Variants in TIPARP observed in about 807,000 individuals in gnomAD.
TIPARP encodes the protein TCDD inducible poly(ADP-ribose) polymerase.
Under a neutral mutation model 56.5 loss-of-function variants are expected in TIPARP, and 12 were observed. That is an observed-to-expected ratio of 0.21 (90% confidence interval 0.14 to 0.34). The LOEUF (loss-of-function observed/expected upper bound fraction) is 0.34, where lower values mean the gene tolerates loss of function less well. TIPARP is among the 10% of genes least tolerant of loss of function. TIPARP has a pLI of 1.00. For missense variants in TIPARP, 604 were observed against 781.6 expected, an observed-to-expected ratio of 0.77 and a Z score of 2.71; for synonymous variants, 296 against 265.7, an observed-to-expected ratio of 1.11 and a Z score of -1.11.
At chr3:156,696,095 T>A (rs1722709312) in intron 4 of TIPARP, 70 bp downstream of exon 4, 2 of 1,510,794 alleles carry the variant, frequency 1.3e-6, no homozygotes, top group Non-Finnish European at 1.8e-6. Flanking sequence ...ATACTAGAGA[T>A]AAAAAATAAA....
chr3:156,689,258 C>T (rs1722508540), intron 2 of TIPARP, among the ~76,000 whole-genome samples: 1 of 152,150 alleles, frequency 6.6e-6, no homozygotes. Context: ...AGACCAGAAA[C>T]ATGGGACACA....
At position 156,703,352 on chromosome 3, in the gene TIPARP, A is replaced by G. The variant is rs557348067; in HGVS notation, c.1248-72A>G. The G allele has an allele frequency of 1.7e-5, 24 of 1,452,966 alleles. No homozygotes were observed. The African/African-American group carries it at 2.8e-4, about 17-fold the overall frequency. 90.0% of individuals were successfully genotyped at this position (1,452,966 alleles called of 1,614,324 possible). On this transcript the variant is annotated intron_variant, in intron 4 of 5. Coordinates refer to ENST00000295924, the MANE Select transcript of TIPARP (RefSeq NM_015508.5). ...ATTATAATATTAAGTAGACACTGATATAGATCACTATAATGTGAGGTGTAC... is the reference window on the plus strand; with the variant it reads ...ATTATAATATTAAGTAGACACTGATGTAGATCACTATAATGTGAGGTGTAC...
chr3:156,681,712 T>C (rs537438789), intron 2 of TIPARP, among the ~76,000 whole-genome samples: 1 of 152,316 alleles, frequency 6.6e-6, no homozygotes, highest in East Asian at 1.9e-4. Context: ...AATACATGCT[T>C]ATTTGTTCCT....
At chr3:156,702,428 A>G (rs62277391) in intron 4 of TIPARP, among the ~76,000 whole-genome samples, 4,868 of 152,290 alleles carry the variant, frequency 0.032, 112 homozygotes, top group Non-Finnish European at 0.048. Flanking sequence ...GATTATGATG[A>G]GAGAGATGGT....
At chr3:156,679,378 G>T (rs168295) in intron 2 of TIPARP, among the ~76,000 whole-genome samples, 144,994 of 152,244 alleles carry the variant, frequency 0.95, 69,084 homozygotes, top group Middle Eastern at 0.99. Flanking sequence ...GCAGGCAACT[G>T]GTATTTCCAC....
Position 156,677,802 on chromosome 3 carries a change from A to G in TIPARP, c.105A>G (p.Pro35=). ...CQMRLSEKIT[P]LKTCFKKKDQ... is the part of the protein sequence containing the mutation. ...TGAGACTCTCTGAGAAGATCACTCC[A>G]TTGAAGACTTGTTTTAAGAAAAAGG... The change falls in exon 2 of 6, where the codon CCA becomes CCG. Residue 35 remains proline (P), a synonymous_variant. Coordinates refer to ENST00000295924, the MANE Select transcript of TIPARP (RefSeq NM_015508.5). 1 of 1,614,218 alleles carries G rather than the reference A, an allele frequency of 6.2e-7. No individual in the cohort carries two copies. Among genetic ancestry groups the G allele is most frequent in the Non-Finnish European group, 8.5e-7 (1 of 1,180,034 alleles).
intron 2 of TIPARP, chr3:156,681,086 T>C (rs922518554): frequency 1.1e-4 from 48 of 453,890 alleles, no homozygotes; most frequent in Middle Eastern, 3.5e-4. Context: ...GCAACCTGGT[T>C]TTCCTTGTAT....
In TIPARP at chr3:156,678,136, C is replaced by G; in HGVS notation, c.439C>G (p.Leu147Val). 1 of 1,614,008 alleles carries G rather than the reference C, an allele frequency of 6.2e-7. No homozygotes were observed. Among genetic ancestry groups the G allele is most frequent in the South Asian group, 1.1e-5 (1 of 91,068 alleles). Residue 147 changes from leucine to valine, a missense_variant, in exon 2 of 6, where the codon CTC becomes GTC. Leu to Val is a conservative substitution (Grantham distance 32). Coordinates refer to ENST00000295924, the MANE Select transcript of TIPARP (RefSeq NM_015508.5). ...IQDHSFPSETLSGTVADSTPA... is the reference protein window; with the variant it reads ...IQDHSFPSETVSGTVADSTPA... Reference sequence around the variant, plus strand: ...AGATCACAGCTTTCCATCAGAAACCCTCAGTGGGACGGTGGCAGATTCCAC... The same window carrying G: ...AGATCACAGCTTTCCATCAGAAACCGTCAGTGGGACGGTGGCAGATTCCAC...
In TIPARP at chr3:156,678,520, A is replaced by G. The variant is rs1722209563; in HGVS notation, c.823A>G (p.Thr275Ala). The change falls in exon 2 of 6, where the codon ACT (threonine) becomes GCT (alanine). Residue 275 changes from threonine (T) to alanine (A), a missense_variant. Physicochemically the swap from Thr to Ala is moderately conservative, Grantham distance 58 (BLOSUM62 0). Transcript: ENST00000295924. ...TCATTGGCAGATCAAAAGGACAACT[A>G]CTCAAAAGTGGCAGAGTGTATTCAA... ...PYHWQIKRTT[T>A]QKWQSVFNDS... is the part of the protein sequence containing the mutation. 6.2e-7 allele frequency: 1 copy of G among 1,614,230 alleles called. No homozygotes were observed. Among genetic ancestry groups the G allele is most frequent in the Non-Finnish European group, 8.5e-7 (1 of 1,180,032 alleles).
intron 2 of TIPARP, chr3:156,681,084 GTTTTCC>G: frequency 2.2e-6 from 1 of 453,752 alleles, no homozygotes; most frequent in Non-Finnish European, 4.4e-6. Context: ...TTGCAACCTG[GTTTTCC>G]TTGTATTCCA....
intron 3 of TIPARP, among the ~76,000 whole-genome samples, chr3:156,695,376 A>G (rs1722687432): frequency 6.6e-6 from 1 of 151,792 alleles, no homozygotes; most frequent in Non-Finnish European, 1.5e-5. Context: ...ACCATACTCA[A>G]CTAATTTTTA....
intron 2 of TIPARP, among the ~76,000 whole-genome samples, chr3:156,685,962 G>A (rs1722418614): frequency 6.6e-6 from 1 of 152,176 alleles, no homozygotes; most frequent in African/African-American, 2.4e-5. Flanking sequence ...GCTGTGGTTG[G>A]TCTTTGGTTT....
intron 1 of TIPARP, 76 bp from the exon 2 acceptor site, chr3:156,677,577 AAAAC>A (rs1314282924): frequency 2.0e-6 from 2 of 1,018,972 alleles, no homozygotes; most frequent in Non-Finnish European, 2.8e-6. Flanking sequence ...AGTCAGGACA[AAAAC>A]AAAACATTTT....
chr3:156,696,077 AT>A, intron 4 of TIPARP, 52 bp downstream of exon 4: 1 of 1,556,178 alleles, frequency 6.4e-7, no homozygotes, highest in Non-Finnish European at 8.7e-7. Flanking sequence ...ATGTAAATGC[AT>A]TCCTGAATAC....
At chr3:156,689,088 G>A (rs949850080) in intron 2 of TIPARP, among the ~76,000 whole-genome samples, 11 of 152,056 alleles carry the variant, frequency 7.2e-5, no homozygotes, top group Non-Finnish European at 1.6e-4. Context: ...AAGTCTAACC[G>A]ATCTGGTTAA....
intron 2 of TIPARP, among the ~76,000 whole-genome samples, chr3:156,679,943 T>C (rs1184291645): frequency 6.6e-6 from 1 of 152,242 alleles, no homozygotes; most frequent in Admixed American, 6.5e-5. Flanking sequence ...GTTTGTTTTT[T>C]GTTTTTTCAT....
intron 2 of TIPARP, among the ~76,000 whole-genome samples, chr3:156,687,713 C>T (rs79758562): frequency 0.024 from 3,583 of 152,210 alleles, 72 homozygotes; most frequent in Non-Finnish European, 0.038. Flanking sequence ...TAATCTTTTT[C>T]ATTTAGGAAA....
chr3:156,693,837 G>A (rs542589905), intron 2 of TIPARP, among the ~76,000 whole-genome samples, 183 bp from the exon 3 acceptor site: 1 of 152,242 alleles, frequency 6.6e-6, no homozygotes, highest in South Asian at 2.1e-4. Context: ...AGGGCATGTA[G>A]GAAATGGATG....
At chr3:156,682,528 A>G (rs1722333782) in intron 2 of TIPARP, among the ~76,000 whole-genome samples, 2 of 152,358 alleles carry the variant, frequency 1.3e-5, no homozygotes, top group South Asian at 4.1e-4. Context: ...TAAAAGAGAA[A>G]TGTATATTAA....
Sources: gnomAD v4.1 joint callset for allele counts (sites outside exome capture counted in the v4.1 genomes callset) on GRCh38, gnomAD v4.1.1 for gene constraint, MANE v1.5 for transcripts, NCBI Gene and HGNC (gene_info 2026-07-23, HGNC 2026-07-21) for gene names.